The following VPS11 variants were observed in gnomAD, a reference collection of about 807,000 sequenced individuals.
VPS11 encodes VPS11 core subunit of CORVET and HOPS complexes.
A neutral mutation model predicts 106.8 loss-of-function variants in VPS11; 51 were observed. That is an observed-to-expected ratio of 0.48 (90% CI 0.38 to 0.60). VPS11 has a LOEUF of 0.60. Ranked by LOEUF, VPS11 falls within the 20% of genes least tolerant of loss-of-function variation. VPS11 has a pLI of 0.00. For missense variants in VPS11, 950 were observed against 1,190.0 expected (o/e 0.80, Z 2.97); for synonymous variants, 453 against 458.7 (o/e 0.99, Z 0.16).
chr11:119,073,383 C>A lies in VPS11; in HGVS notation c.1070C>A (p.Thr357Lys). The A allele has an allele frequency of 6.2e-7, 1 of 1,613,056 alleles. No individual in the cohort carries two copies. Among genetic ancestry groups the A allele is most frequent in the Non-Finnish European group, 8.5e-7 (1 of 1,179,866 alleles). Residue 357 changes from threonine to lysine, a missense_variant, in exon 6 of 16, where the codon ACA (threonine) becomes AAA (lysine). This residue lies in a region of VPS11 where 435 missense variants were observed against 630.2 expected (regional missense o/e 0.69). Transcript: ENST00000621676. ...GTCCACGCACTGCAGGAGAAGGACA[C>A]ACAGACCAAACTGGAGGCAAGGCCA... ...GRVHALQEKD[T>K]QTKLEMLFKK...
At chr11:119,073,551 T>C (rs936236457) in intron 6 of VPS11, 152 bp downstream of exon 6, 23 of 1,058,940 alleles carry the variant, frequency 2.2e-5, no homozygotes, top group Non-Finnish European at 2.9e-5. Flanking sequence ...GTAAATGGCC[T>C]GGGATGGGGC....
At chr11:119,077,186 C>A in intron 8 of VPS11, 103 bp downstream of exon 8, 1 of 1,402,320 alleles carries the variant, frequency 7.1e-7, no homozygotes, top group Non-Finnish European at 9.7e-7. Flanking sequence ...GAGGAAAGGG[C>A]TGACCTTATT....
Position 119,081,582 on chromosome 11 carries a change from C to G in VPS11, c.2785C>G (p.Leu929Val), listed in dbSNP as rs1239511661. The G allele has an allele frequency of 6.2e-7, 1 of 1,613,984 alleles. No homozygotes were observed. The highest frequency in any genetic ancestry group is 1.7e-5 in the Admixed American group (1 of 60,022). Residue 929 changes from leucine (L) to valine (V), a missense_variant, in exon 16 of 16, where the codon CTG becomes GTG. Physicochemically the swap from Leu to Val is conservative, Grantham distance 32 (BLOSUM62 1). Around this residue, in one of 3 missense-constraint regions of VPS11, gnomAD observed 453 missense variants for 514.6 expected, o/e 0.88. Transcript: ENST00000621676. ...ARLTSSLEAG[L>V]QRDLLMHSRR... ...ACTGACCTCCAGCCTGGAGGCTGGG[C>G]TGCAACGCGACCTACTCATGCACTC...
chr11:119,076,526 CA>C (rs59390452), intron 7 of VPS11, among the ~76,000 whole-genome samples: 2,297 of 123,096 alleles, frequency 0.019, 50 homozygotes, highest in African/African-American at 0.06. Flanking sequence ...ACCTCCCTCT[CA>C]AAAAAAAAAA....
rs781898987 is a variant in VPS11, at chr11:119,073,278, C to A, written c.965C>A (p.Ala322Asp). Residue 322 changes from alanine (A) to aspartate (D), a missense_variant, in exon 6 of 16, where the codon GCC (alanine) becomes GAC (aspartate). Physicochemically the swap from Ala to Asp is moderately radical, Grantham distance 126. This residue lies in a region of VPS11 where 435 missense variants were observed against 630.2 expected (regional missense o/e 0.69). Coordinates refer to ENST00000621676, the MANE Select transcript of VPS11 (RefSeq NM_021729.6). Reference sequence around the variant, plus strand: ...TATGACCTGTGCAACAAGTTCATAGCCTATAGCACCGTCTTTGAGGATGTA... The same window carrying A: ...TATGACCTGTGCAACAAGTTCATAGACTATAGCACCGTCTTTGAGGATGTA... ...NIYDLCNKFI[A>D]YSTVFEDVVD... The A allele has an allele frequency of 1.2e-6, 2 of 1,613,970 alleles. No homozygotes were observed. The highest frequency in any genetic ancestry group is 1.7e-6 in the Non-Finnish European group (2 of 1,179,866).
intron 3 of VPS11, 52 bp from the exon 4 acceptor site, chr11:119,070,182 C>G (rs1945321852): frequency 6.5e-7 from 1 of 1,547,190 alleles, no homozygotes; most frequent in African/African-American, 1.4e-5. Flanking sequence ...TTCCCCTCTC[C>G]ACTTCCTGAT....
In VPS11 at chr11:119,078,928, G is replaced by T. The variant is rs544418664; in HGVS notation, c.2197G>T (p.Asp733Tyr). 3.1e-6 allele frequency: 5 copies of T among 1,614,052 alleles called. No individual in the cohort carries two copies. The highest frequency in any genetic ancestry group is 2.5e-6 in the Non-Finnish European group (3 of 1,179,902). ...CAGCTACTTCGCTCGCAAGGAGGAGGACTGCAAGGAGTATGTGGCAGCTGT... is the reference window on the plus strand; with the variant it reads ...CAGCTACTTCGCTCGCAAGGAGGAGTACTGCAAGGAGTATGTGGCAGCTGT... ...ALSYFARKEE[D>Y]CKEYVAAVLK... The change falls in exon 13 of 16, where the codon GAC becomes TAC. Residue 733 changes from aspartate (D) to tyrosine (Y), a missense_variant. Transcript: ENST00000621676.
At chr11:119,077,134 G>A (rs901896637) in intron 8 of VPS11, 51 bp downstream of exon 8, 6 of 1,576,340 alleles carry the variant, frequency 3.8e-6, no homozygotes, top group Admixed American at 3.7e-5. Flanking sequence ...TGAGCATGAG[G>A]TGGCTCCACC....
At position 119,078,664 on chromosome 11, in the gene VPS11, T is replaced by A; in HGVS notation, c.2023T>A (p.Phe675Ile). ...CCTGGTCCTGTGCCAGATGCACGAC[T>A]TCCAGGATGGTGTCCTTTACCTTTA... ...KALVLCQMHD[F>I]QDGVLYLYEQ... The change falls in exon 12 of 16, where the codon TTC becomes ATC. Residue 675 changes from phenylalanine (F) to isoleucine (I), a missense_variant. Transcript: ENST00000621676. 6.2e-7 allele frequency: 1 copy of A among 1,613,506 alleles called. No individual in the cohort carries two copies. The highest frequency in any genetic ancestry group is 1.1e-5 in the South Asian group (1 of 91,024).
chr11:119,073,210 C>T lies in VPS11; in HGVS notation c.897C>T (p.Thr299=). The T allele has an allele frequency of 3.7e-6, 6 of 1,612,974 alleles. No homozygotes were observed. The highest frequency in any genetic ancestry group is 5.1e-6 in the Non-Finnish European group (6 of 1,179,448). ...CTTTCCTATGCAGGTCAGAGTTTAC[C>T]AGCAGGGATTCACAGAGCTCCGACA... is the stretch of plus-strand genomic sequence containing the variant. ...DRKVSPKSEF[T]SRDSQSSDKQ... is the part of the protein sequence containing the mutation. The change falls in exon 6 of 16, where the codon ACC becomes ACT. Residue 299 remains threonine (T), a synonymous_variant. Transcript: ENST00000621676.
In VPS11 at chr11:119,078,660, C is replaced by T. The variant is rs782595449; in HGVS notation, c.2019C>T (p.His673=). Residue 673 remains histidine, a synonymous_variant, in exon 12 of 16, where the codon CAC becomes CAT. Transcript: ENST00000621676. ...FDKALVLCQM[H]DFQDGVLYLY... ...AGGCCCTGGTCCTGTGCCAGATGCA[C>T]GACTTCCAGGATGGTGTCCTTTACC... 1.5e-5 allele frequency: 25 copies of T among 1,613,400 alleles called. No homozygotes were observed. The highest frequency in any genetic ancestry group is 8.9e-5 in the East Asian group (4 of 44,886).
chr11:119,072,866 G>A, intron 5 of VPS11: 1 of 250,212 alleles, frequency 4.0e-6, no homozygotes, highest in Non-Finnish European at 7.8e-6. Flanking sequence ...CTCCCTGTTA[G>A]ATGCTGGTTT....
At position 119,069,323 on chromosome 11, in the gene VPS11, T is replaced by C. The variant is rs371018483; in HGVS notation, c.315T>C (p.Asp105=). ...ATATTCTGGCATCTGTTGGAGAAGATGAAGAGGGCATCAACCCCTTGGTGA... is the reference window on the plus strand; with the variant it reads ...ATATTCTGGCATCTGTTGGAGAAGACGAAGAGGGCATCAACCCCTTGGTGA... ...QHNILASVGE[D]EEGINPLVKI... Residue 105 remains aspartate, a synonymous_variant, in exon 2 of 16, where the codon GAT becomes GAC. Transcript: ENST00000621676. The C allele has an allele frequency of 2.5e-6, 4 of 1,613,944 alleles. No homozygotes were observed. In the African/African-American group the frequency reaches 4.0e-5, roughly 16 times the overall value.
Position 119,078,192 on chromosome 11 carries a change from T to C in VPS11, c.1781T>C (p.Ile594Thr). 1 of 1,613,478 alleles carries C rather than the reference T, an allele frequency of 6.2e-7. No homozygotes were observed. Among genetic ancestry groups the C allele is most frequent in the Non-Finnish European group, 8.5e-7 (1 of 1,179,876 alleles). The change falls in exon 11 of 16, where the codon ATC becomes ACC. Residue 594 changes from isoleucine to threonine, a missense_variant. By Grantham distance (89) the Ile-to-Thr change is moderately conservative. Coordinates refer to ENST00000621676, the MANE Select transcript of VPS11 (RefSeq NM_021729.6). Reference sequence around the variant, plus strand: ...TCCTAGGCCAACTCTGAGGAGTTCATCCCCATCTTTGCCAATAACCCGCGA... The same window carrying C: ...TCCTAGGCCAACTCTGAGGAGTTCACCCCCATCTTTGCCAATAACCCGCGA... ...PGCRANSEEF[I>T]PIFANNPREL...
chr11:119,076,689 T>C (rs1592194095), intron 7 of VPS11: 1 of 543,462 alleles, frequency 1.8e-6, no homozygotes, highest in African/African-American at 1.9e-5. Context: ...TAAGAAGCAG[T>C]GCTCTGGAGC....
At chr11:119,069,669 C>A in intron 3 of VPS11, 92 bp downstream of exon 3, 1 of 1,557,966 alleles carries the variant, frequency 6.4e-7, no homozygotes, top group South Asian at 1.1e-5. Context: ...TTCAGGAGAC[C>A]ACTTTGTACT....
At position 119,069,177 on chromosome 11, in the gene VPS11, C is replaced by G; in HGVS notation, c.188-19C>G. ...TAAGTATCTCTCCTTGGAAAGGAGG[C>G]TCCTTGACTACCCTGCACATATGGA... On this transcript the variant is annotated intron_variant, in intron 1 of 15. Coordinates refer to ENST00000621676, the MANE Select transcript of VPS11 (RefSeq NM_021729.6). 1 of 1,613,200 alleles carries G rather than the reference C, an allele frequency of 6.2e-7. No individual in the cohort carries two copies. Among genetic ancestry groups the G allele is most frequent in the Non-Finnish European group, 8.5e-7 (1 of 1,179,598 alleles).
intron 1 of VPS11, 39 bp downstream of exon 1, chr11:119,068,049 C>G: frequency 1.9e-6 from 3 of 1,557,252 alleles, no homozygotes; most frequent in Non-Finnish European, 2.6e-6. Context: ...CTCCCGGGAT[C>G]CCGAAGAGAT....
intron 14 of VPS11, 48 bp downstream of exon 14, chr11:119,079,348 T>A: frequency 6.6e-7 from 1 of 1,526,314 alleles, no homozygotes; most frequent in Non-Finnish European, 8.8e-7. Flanking sequence ...TAACTTGCCC[T>A]TCACAGGGTA....
Sources: gnomAD v4.1 joint callset for allele counts (sites outside exome capture counted in the v4.1 genomes callset) on GRCh38, gnomAD v4.1.1 for gene constraint, gnomAD v4.1.1 regional missense constraint, MANE v1.5 for transcripts, NCBI Gene and HGNC (gene_info 2026-07-23, HGNC 2026-07-21) for gene names.